Variants in TRPC5 observed in about 807,000 individuals in gnomAD.
The protein encoded by TRPC5 is transient receptor potential cation channel subfamily C member 5.
A neutral mutation model predicts 56.5 loss-of-function variants in TRPC5; 9 were observed. The observed-to-expected ratio is 0.16, with a 90% CI of 0.10 to 0.28. The LOEUF is 0.28. TRPC5 is among the 10% of genes least tolerant of loss of function. The pLI, the probability that TRPC5 is intolerant of heterozygous loss-of-function variation, is 1.00. For synonymous variants in TRPC5, 282 were observed against 278.5 expected, an observed-to-expected ratio of 1.01 and a Z score of -0.13; for missense variants, 469 against 748.9, an observed-to-expected ratio of 0.63 and a Z score of 4.36.
Position 111,768,727 on chromosome X carries a change from A to G in TRPC5, c.*7586T>C, listed in dbSNP as rs1364887083. On this transcript the variant is annotated 3_prime_UTR_variant, in exon 11 of 11. Transcript: ENST00000262839. Reference sequence around the variant, plus strand: ...ATTGAATTTCCTTTTACATTAAACCACAGACTAATGTGTTAACCCTTTGGG... The same window carrying G: ...ATTGAATTTCCTTTTACATTAAACCGCAGACTAATGTGTTAACCCTTTGGG... 8.9e-6 allele frequency among the ~76,000 whole-genome samples: 1 copy of G among 111,797 alleles called. No homozygotes were observed. The highest frequency in any genetic ancestry group is 1.9e-5 in the Non-Finnish European group (1 of 53,092).
chrX:111,905,826 A>G (rs1925586162), intron 3 of TRPC5, among the ~76,000 whole-genome samples: 2 of 106,496 alleles, frequency 1.9e-5, no homozygotes, highest in African/African-American at 7.0e-5. Context: ...GAGGCAGGAG[A>G]ATGGCGTGAA....
Position 111,769,464 on chromosome X carries a change from A to G in TRPC5, c.*6849T>C, listed in dbSNP as rs1263834023. On this transcript the variant is annotated 3_prime_UTR_variant, in exon 11 of 11. Coordinates refer to ENST00000262839, the MANE Select transcript of TRPC5 (RefSeq NM_012471.3). ...TACCACTGCTCCAAGCATAATTGAA[A>G]CTAGATTCCAGGATACAAAGGAGAA... Among the ~76,000 whole-genome samples, 1 of 111,694 alleles carries G rather than the reference A, an allele frequency of 9.0e-6. No individual in the cohort carries two copies. Among genetic ancestry groups the G allele is most frequent in the Admixed American group, 9.6e-5 (1 of 10,457 alleles).
At chrX:111,927,895 A>G (rs1239978327) in intron 2 of TRPC5, among the ~76,000 whole-genome samples, 1 of 108,809 alleles carries the variant, frequency 9.2e-6, no homozygotes. Flanking sequence ...CCCTGGGGCA[A>G]TTTTGTATTC....
intron 2 of TRPC5, among the ~76,000 whole-genome samples, chrX:111,926,895 A>G (rs912689740): frequency 8.9e-6 from 1 of 112,289 alleles, no homozygotes; most frequent in Non-Finnish European, 1.9e-5. Context: ...CATCAGAAGC[A>G]GCCCAGTTAT....
intron 7 of TRPC5, among the ~76,000 whole-genome samples, chrX:111,784,916 A>G (rs1257003467): frequency 8.9e-6 from 1 of 112,478 alleles, no homozygotes; most frequent in Non-Finnish European, 1.9e-5. Flanking sequence ...GCAGCCAGGA[A>G]GCTCGAACTG....
chrX:111,819,070 G>A (rs1921953021), intron 7 of TRPC5, among the ~76,000 whole-genome samples: 2 of 111,540 alleles, frequency 1.8e-5, no homozygotes, highest in African/African-American at 3.3e-5. Flanking sequence ...TGGGGCAGAC[G>A]CTAGATGCCA....
chrX:111,992,688 T>A (rs2148656553), intron 1 of TRPC5, among the ~76,000 whole-genome samples: 1 of 109,429 alleles, frequency 9.1e-6, no homozygotes, highest in African/African-American at 3.3e-5. Flanking sequence ...CTGTAACTTC[T>A]GACTCCCGGG....
At chrX:112,015,731 G>T (rs2148664254) in intron 1 of TRPC5, among the ~76,000 whole-genome samples, 1 of 111,529 alleles carries the variant, frequency 9.0e-6, no homozygotes, top group African/African-American at 3.2e-5. Flanking sequence ...GGGTAGAGCT[G>T]TATCAAAGTT....
chrX:112,041,042 G>C (rs890245291), intron 1 of TRPC5, among the ~76,000 whole-genome samples: 8 of 112,021 alleles, frequency 7.1e-5, no homozygotes, highest in Admixed American at 5.7e-4. Flanking sequence ...TGAGAGGTGA[G>C]AGTACGCTGA....
chrX:111,904,590 A>G (rs1466816837), intron 3 of TRPC5, among the ~76,000 whole-genome samples: 2 of 110,528 alleles, frequency 1.8e-5, no homozygotes, highest in African/African-American at 6.6e-5. Flanking sequence ...CTATGAGAAC[A>G]CATGGACACA....
In TRPC5 at chrX:111,771,663, G is replaced by T; in HGVS notation, c.*4650C>A. Among the ~76,000 whole-genome samples the T allele has an allele frequency of 9.0e-6, 1 of 111,477 alleles. No individual in the cohort carries two copies. The highest frequency in any genetic ancestry group is 1.9e-5 in the Non-Finnish European group (1 of 53,124). ...ATATGAATGAATATTAACACCTCAA[G>T]TATGCACCAAATCTCAGGTATACAG... On this transcript the variant is annotated 3_prime_UTR_variant, in exon 11 of 11. Coordinates refer to ENST00000262839, the MANE Select transcript of TRPC5 (RefSeq NM_012471.3).
chrX:111,932,242 AG>A (rs2072498622), intron 2 of TRPC5, among the ~76,000 whole-genome samples: 1 of 112,022 alleles, frequency 8.9e-6, no homozygotes, highest in African/African-American at 3.2e-5. Context: ...GACAAAACAA[AG>A]GGGTATCAGG....
rs964778525 is a variant in TRPC5 at position 112,057,978 on chromosome X, G to A, written c.-22+23901C>T. Among the ~76,000 whole-genome samples the A allele has an allele frequency of 1.2e-4, 13 of 111,410 alleles. 2 individuals carry two copies. Among genetic ancestry groups the A allele is most frequent in the Admixed American group, 6.7e-4 (7 of 10,432 alleles). ...ATTTTATTCAAAAGATGGTAATGGAGAGAGACCACCACCTATGCCTGTTCT... is the reference window on the plus strand; with the variant it reads ...ATTTTATTCAAAAGATGGTAATGGAAAGAGACCACCACCTATGCCTGTTCT... On this transcript the variant is annotated intron_variant, in intron 1 of 10. Transcript: ENST00000262839.
intron 1 of TRPC5, among the ~76,000 whole-genome samples, chrX:111,968,710 C>A (rs1321040233): frequency 9.5e-6 from 1 of 105,405 alleles, no homozygotes; most frequent in Non-Finnish European, 1.9e-5. Context: ...TCATTCTCAG[C>A]AAACTATCGC....
chrX:112,020,815 C>T (rs1929254087), intron 1 of TRPC5, among the ~76,000 whole-genome samples: 1 of 110,393 alleles, frequency 9.1e-6, no homozygotes, highest in African/African-American at 3.3e-5. Flanking sequence ...CTTTTCTTTT[C>T]ATTGTTCATT....
intron 1 of TRPC5, among the ~76,000 whole-genome samples, chrX:112,056,251 T>C (rs1195646827): frequency 8.9e-6 from 1 of 111,871 alleles, no homozygotes; most frequent in Non-Finnish European, 1.9e-5. Context: ...TTGTATACAG[T>C]GGCCCTGCAT....
intron 1 of TRPC5, among the ~76,000 whole-genome samples, chrX:112,004,952 C>T (rs1047245225): frequency 9.0e-6 from 1 of 111,528 alleles, no homozygotes; most frequent in African/African-American, 3.3e-5. Context: ...TAAGAAGCTA[C>T]ATTTCTCATA....
At chrX:111,785,091 C>G (rs1010833223) in intron 7 of TRPC5, among the ~76,000 whole-genome samples, 1 of 112,593 alleles carries the variant, frequency 8.9e-6, no homozygotes, top group African/African-American at 3.2e-5. Flanking sequence ...TTTGAGCTCT[C>G]AGAACGGACA....
At chrX:112,006,007 G>A (rs372573272) in intron 1 of TRPC5, among the ~76,000 whole-genome samples, 10 of 111,456 alleles carry the variant, frequency 9.0e-5, no homozygotes, top group African/African-American at 2.9e-4. Context: ...AAGCCTGAAC[G>A]TCAGTTCCCA....
Sources: gnomAD v4.1 joint callset for allele counts (sites outside exome capture counted in the v4.1 genomes callset) on GRCh38, gnomAD v4.1.1 for gene constraint, MANE v1.5 for transcripts, NCBI Gene and HGNC (gene_info 2026-07-23, HGNC 2026-07-21) for gene names.